DNAH7: variants seen among roughly 807,000 people sequenced by gnomAD.
DNAH7 encodes the protein axonemal beta dynein heavy chain 7.
A neutral mutation model predicts 444.6 loss-of-function variants in DNAH7; 397 were observed. The observed-to-expected ratio is 0.89, with a 90% CI of 0.82 to 0.97. The LOEUF (loss-of-function observed/expected upper bound fraction) is 0.97, where lower values mean the gene tolerates loss of function less well. DNAH7 is among the 50% of genes least tolerant of loss of function. DNAH7 has a pLI of 0.00. For synonymous variants in DNAH7, 1,636 were observed against 1,624.4 expected (o/e 1.01, Z -0.17); for missense variants, 4,902 against 4,800.8 (o/e 1.02, Z -0.62).
At chr2:195,892,508 T>TA (rs1057148342) in intron 30 of DNAH7, 57 of 151,754 alleles carry the variant, frequency 3.8e-4, no homozygotes, top group Admixed American at 9.8e-4. Flanking sequence ...ACTGGCTTTT[T>TA]AAAAAAAGGT....
chr2:195,976,332 T>G (rs1692183192), intron 15 of DNAH7, among the ~76,000 whole-genome samples: 1 of 152,146 alleles, frequency 6.6e-6, no homozygotes, highest in Non-Finnish European at 1.5e-5. Context: ...CATAAGAGTC[T>G]CCTCTGCTTA....
intron 17 of DNAH7, among the ~76,000 whole-genome samples, chr2:195,962,880 G>A (rs1691203690): frequency 6.6e-6 from 1 of 152,000 alleles, no homozygotes; most frequent in Non-Finnish European, 1.5e-5. Context: ...TTGTCTTTCT[G>A]TGCCTGGCTT....
intron 3 of DNAH7, among the ~76,000 whole-genome samples, chr2:196,048,691 T>C (rs1697282511): frequency 6.6e-6 from 1 of 152,220 alleles, no homozygotes; most frequent in Non-Finnish European, 1.5e-5. Context: ...TATTGTCAAG[T>C]GTCTTTAAAC....
At chr2:195,863,774 C>G (rs894405106) in intron 41 of DNAH7, among the ~76,000 whole-genome samples, 8 of 152,162 alleles carry the variant, frequency 5.3e-5, no homozygotes, top group Non-Finnish European at 1.2e-4. Flanking sequence ...ATTGCTCCAC[C>G]TACCACTTCC....
intron 1 of DNAH7, among the ~76,000 whole-genome samples, chr2:196,060,392 G>A (rs953173921): frequency 2.6e-5 from 4 of 152,098 alleles, no homozygotes; most frequent in African/African-American, 9.7e-5. Context: ...TCCATTCACA[G>A]ATAATCTCTT....
chr2:195,912,305 T>C (rs948024213), intron 24 of DNAH7, among the ~76,000 whole-genome samples: 1 of 152,164 alleles, frequency 6.6e-6, no homozygotes, highest in Non-Finnish European at 1.5e-5. Context: ...GCACAGAAAC[T>C]GAGTGCTGAC....
Position 195,806,744 on chromosome 2 carries a change from T to C in DNAH7, c.10172A>G (p.Asp3391Gly), listed in dbSNP as rs756754175. 2 of 1,613,284 alleles carry C rather than the reference T, an allele frequency of 1.2e-6. No homozygotes were observed. The highest frequency in any genetic ancestry group is 1.1e-5 in the South Asian group (1 of 91,028). Residue 3391 changes from aspartate (D) to glycine (G), a missense_variant, in exon 54 of 65, where the codon GAC becomes GGC. Coordinates refer to ENST00000312428, the MANE Select transcript of DNAH7 (RefSeq NM_018897.3). ...RMLIIRCLRP[D>G]KVIPMLQEFI... ...GTTTTCAAAGCCCACATTTACCTTG[T>C]CTGGCCTCAAGCAACGAATAATAAG...
At chr2:195,944,725 A>G (rs1344716820) in intron 19 of DNAH7, among the ~76,000 whole-genome samples, 2 of 152,134 alleles carry the variant, frequency 1.3e-5, no homozygotes, top group East Asian at 1.9e-4. Context: ...ATTTTTGGCT[A>G]TATCAAATTT....
At chr2:195,967,890 T>A (rs896590518) in intron 17 of DNAH7, among the ~76,000 whole-genome samples, 8 of 152,360 alleles carry the variant, frequency 5.3e-5, no homozygotes, top group Admixed American at 2.0e-4. Flanking sequence ...TCTCCAGGTT[T>A]GGTGTTCTAT....
intron 9 of DNAH7, among the ~76,000 whole-genome samples, chr2:196,015,918 T>C (rs920303506): frequency 6.6e-6 from 1 of 152,222 alleles, no homozygotes; most frequent in Non-Finnish European, 1.5e-5. Context: ...AAAGGCAACA[T>C]AGGAGCTTGT....
chr2:195,889,009 C>A, intron 31 of DNAH7, 28 bp from the exon 32 acceptor site: 1 of 1,567,520 alleles, frequency 6.4e-7, no homozygotes, highest in South Asian at 1.2e-5. Context: ...GAACAGAGGG[C>A]AAAAACGTAA....
chr2:195,869,004 T>C (rs764783425), intron 40 of DNAH7, among the ~76,000 whole-genome samples: 26 of 151,964 alleles, frequency 1.7e-4, no homozygotes, highest in Non-Finnish European at 2.8e-4. Flanking sequence ...AGTTCAATTG[T>C]TGCAGGACTT....
At chr2:196,043,071 T>C (rs12475846) in intron 5 of DNAH7, among the ~76,000 whole-genome samples, 73,003 of 151,906 alleles carry the variant, frequency 0.48, 20,266 homozygotes, top group South Asian at 0.63. Flanking sequence ...AGAGGATTAA[T>C]TGAAACGGGC....
At chr2:195,799,898 G>T (rs1696364181) in intron 54 of DNAH7, among the ~76,000 whole-genome samples, 1 of 152,160 alleles carries the variant, frequency 6.6e-6, no homozygotes. Context: ...AAGAAGGAAA[G>T]GAAGAGCTCT....
Position 196,004,087 on chromosome 2 carries a change from T to C in DNAH7, c.990-2229A>G, listed in dbSNP as rs370122638. 9.8e-5 allele frequency among the ~76,000 whole-genome samples: 15 copies of C among 152,328 alleles called. No homozygotes were observed. The South Asian group carries it at 2.5e-3, about 25-fold the overall frequency. ...GTGAAAGTCTTTTTAGAACTGAGGA[T>C]GGAGAAGACAAGTTAGATCTATATT... is the stretch of plus-strand genomic sequence containing the variant. On this transcript the variant is annotated intron_variant, in intron 10 of 64. Coordinates refer to ENST00000312428, the MANE Select transcript of DNAH7 (RefSeq NM_018897.3).
At chr2:196,021,309 G>C (rs548432364) in intron 8 of DNAH7, among the ~76,000 whole-genome samples, 1 of 152,142 alleles carries the variant, frequency 6.6e-6, no homozygotes, top group Non-Finnish European at 1.5e-5. Context: ...TAAATGTAAC[G>C]TTAGGCTTAA....
At chr2:196,021,429 A>G (rs572456180) in intron 8 of DNAH7, among the ~76,000 whole-genome samples, 1 of 152,302 alleles carries the variant, frequency 6.6e-6, no homozygotes, top group South Asian at 2.1e-4. Flanking sequence ...ATTGCAATTA[A>G]GCACGTCACA....
At position 195,796,577 on chromosome 2, in the gene DNAH7, T is replaced by C. The variant is rs537716560; in HGVS notation, c.10514A>G (p.Glu3505Gly). Residue 3505 changes from glutamate (E) to glycine (G), a missense_variant and splice_region_variant, in exon 56 of 65, where the codon GAG becomes GGG. By Grantham distance (98) the Glu-to-Gly change is moderately conservative. Coordinates refer to ENST00000312428, the MANE Select transcript of DNAH7 (RefSeq NM_018897.3). ...SWMPTLEKVC[E>G]ELSPESTHPD... ...ATAAGTATAAACTTGCATTTTTACC[T>C]CACAGACTTTCTCAAGGGTTGGCAT... The C allele has an allele frequency of 6.2e-7, 1 of 1,614,106 alleles. No homozygotes were observed. The highest frequency in any genetic ancestry group is 1.7e-5 in the Admixed American group (1 of 60,016).
chr2:195,882,465 T>C (rs2125177821), intron 35 of DNAH7, among the ~76,000 whole-genome samples: 1 of 152,282 alleles, frequency 6.6e-6, no homozygotes, highest in Non-Finnish European at 1.5e-5. Flanking sequence ...TTTTAAAAAA[T>C]GTATAGAAAA....
Sources: gnomAD v4.1 joint callset for allele counts (sites outside exome capture counted in the v4.1 genomes callset) on GRCh38, gnomAD v4.1.1 for gene constraint, MANE v1.5 for transcripts, NCBI Gene and HGNC (gene_info 2026-07-23, HGNC 2026-07-21) for gene names.